CGGBP1: variants seen among roughly 807,000 people sequenced by gnomAD.
CGGBP1 encodes CGG triplet repeat-binding protein 1.
CGGBP1 carries 4 observed loss-of-function variants against 11.4 expected under a neutral mutation model. The observed-to-expected ratio is 0.35, with a 90% CI of 0.17 to 0.80. The LOEUF is 0.80. Among genes scored for constraint, CGGBP1 ranks in the 30% least tolerant of loss-of-function variants. The probability of loss-of-function intolerance (pLI) is 0.52; values close to 1 mark genes in which losing one functional copy is unlikely to be tolerated. For missense variants in CGGBP1, 135 were observed against 202.1 expected, an observed-to-expected ratio of 0.67 and a Z score of 2.01; for synonymous variants, 76 against 74.1, an observed-to-expected ratio of 1.03 and a Z score of -0.13.
intron 2 of CGGBP1, among the ~76,000 whole-genome samples, chr3:88,075,927 A>G (rs906404106): frequency 4.6e-5 from 7 of 152,172 alleles, no homozygotes; most frequent in Non-Finnish European, 7.4e-5. Flanking sequence ...CACAACATCA[A>G]ACCCAAGACT....
chr3:88,100,361 T>A (rs1237599341), intron 2 of CGGBP1, among the ~76,000 whole-genome samples: 1 of 152,144 alleles, frequency 6.6e-6, no homozygotes, highest in Non-Finnish European at 1.5e-5. Flanking sequence ...AGGAACACTT[T>A]TACACTGTTG....
chr3:88,121,074 A>C (rs1705742236), intron 2 of CGGBP1, among the ~76,000 whole-genome samples: 1 of 152,144 alleles, frequency 6.6e-6, no homozygotes, highest in South Asian at 2.1e-4. Context: ...TATATTCAGC[A>C]CATGTATCCC....
intron 2 of CGGBP1, among the ~76,000 whole-genome samples, chr3:88,112,639 A>T (rs2107765067): frequency 6.6e-6 from 1 of 152,114 alleles, no homozygotes; most frequent in East Asian, 1.9e-4. Context: ...TATAATATAA[A>T]TGTTGGCCGA....
intron 2 of CGGBP1, among the ~76,000 whole-genome samples, chr3:88,122,855 C>T (rs1705854642): frequency 6.6e-6 from 1 of 151,430 alleles, no homozygotes; most frequent in East Asian, 1.9e-4. Flanking sequence ...ACTAATAATA[C>T]AAAAATTAGC....
chr3:88,132,919 T>TGCA (rs1359611275), intron 2 of CGGBP1, among the ~76,000 whole-genome samples: 2 of 152,186 alleles, frequency 1.3e-5, no homozygotes, highest in Non-Finnish European at 2.9e-5. Flanking sequence ...ACATTTAGGG[T>TGCA]GCAGTATGAG....
At chr3:88,073,262 A>G (rs1326381184) in intron 2 of CGGBP1, among the ~76,000 whole-genome samples, 1 of 152,202 alleles carries the variant, frequency 6.6e-6, no homozygotes, top group Non-Finnish European at 1.5e-5. Context: ...AATGAGTCTA[A>G]TGCATGCTAA....
At chr3:88,075,464 T>C (rs951321606) in intron 2 of CGGBP1, among the ~76,000 whole-genome samples, 2 of 152,220 alleles carry the variant, frequency 1.3e-5, no homozygotes, top group African/African-American at 4.8e-5. Context: ...ATAATAACCA[T>C]GGAACAGGTA....
chr3:88,089,756 C>T (rs1304134868), intron 2 of CGGBP1, among the ~76,000 whole-genome samples: 1 of 152,172 alleles, frequency 6.6e-6, no homozygotes, highest in African/African-American at 2.4e-5. Context: ...TTGAGAAGAA[C>T]TCTGGTCAGA....
chr3:88,132,554 T>C (rs553698306), intron 2 of CGGBP1, among the ~76,000 whole-genome samples: 1 of 152,352 alleles, frequency 6.6e-6, no homozygotes, highest in East Asian at 1.9e-4. Flanking sequence ...AGATCCCATG[T>C]TTTAAATCCA....
chr3:88,137,501 A>G (rs1706869400), intron 2 of CGGBP1, among the ~76,000 whole-genome samples: 1 of 152,180 alleles, frequency 6.6e-6, no homozygotes, highest in Admixed American at 6.5e-5. Flanking sequence ...AAAAAATGAG[A>G]CACTGTCACC....
intron 2 of CGGBP1, among the ~76,000 whole-genome samples, chr3:88,112,633 A>G (rs1236711247): frequency 6.6e-6 from 1 of 152,060 alleles, no homozygotes; most frequent in Non-Finnish European, 1.5e-5. Flanking sequence ...ATATGCTATA[A>G]TATAAATGTT....
chr3:88,121,072 G>A (rs1210889172), intron 2 of CGGBP1, among the ~76,000 whole-genome samples: 3 of 151,878 alleles, frequency 2.0e-5, no homozygotes, highest in Non-Finnish European at 4.4e-5. Flanking sequence ...TGTATATTCA[G>A]CACATGTATC....
intron 2 of CGGBP1, among the ~76,000 whole-genome samples, chr3:88,066,908 T>C (rs542742201): frequency 4.6e-5 from 7 of 152,322 alleles, no homozygotes; most frequent in African/African-American, 1.7e-4. Context: ...ACACATTAAT[T>C]GTATATTAAT....
At chr3:88,083,201 A>G (rs896826495) in intron 2 of CGGBP1, among the ~76,000 whole-genome samples, 18 of 152,314 alleles carry the variant, frequency 1.2e-4, no homozygotes, top group Middle Eastern at 3.4e-3. Context: ...TAGGGCTTCA[A>G]CAAATGAACT....
chr3:88,117,943 A>AT (rs1352255842), intron 2 of CGGBP1, among the ~76,000 whole-genome samples: 1 of 53,018 alleles, frequency 1.9e-5, no homozygotes, highest in Non-Finnish European at 5.5e-5. Flanking sequence ...CCAATAGATG[A>AT]TTAAAAAAAA....
intron 2 of CGGBP1, among the ~76,000 whole-genome samples, chr3:88,125,305 A>G (rs2107818014): frequency 6.6e-6 from 1 of 152,290 alleles, no homozygotes; most frequent in Admixed American, 6.5e-5. Context: ...CAGATCTTAT[A>G]AATCTAGATC....
chr3:88,100,629 C>T (rs1172233035), intron 2 of CGGBP1, among the ~76,000 whole-genome samples: 1 of 152,086 alleles, frequency 6.6e-6, no homozygotes, highest in Non-Finnish European at 1.5e-5. Flanking sequence ...ACGATGCAGC[C>T]ATAAAAAGGA....
At chr3:88,134,500 C>T (rs1706654365) in intron 2 of CGGBP1, among the ~76,000 whole-genome samples, 1 of 151,992 alleles carries the variant, frequency 6.6e-6, no homozygotes, top group Non-Finnish European at 1.5e-5. Flanking sequence ...TAACAGTGGT[C>T]ATATTTGAGA....
At position 88,052,368 on chromosome 3, in the gene CGGBP1, T is replaced by C. The variant is rs1389712724; in HGVS notation, c.*3105A>G. The C allele has an allele frequency of 6.6e-6, 1 of 152,622 alleles. No homozygotes were observed. The highest frequency in any genetic ancestry group is 2.4e-5 in the African/African-American group (1 of 41,436). 9.5% of individuals were successfully genotyped at this position (152,622 alleles called of 1,614,324 possible). The stretch of plus-strand genomic sequence containing the variant: ...TGTTATGAATCAAATGAACATGTTT[T>C]AAGGTGATTTGTCCTCATTTAACGG... On this transcript the variant is annotated 3_prime_UTR_variant, in exon 4 of 4. Transcript: ENST00000482016.
Sources: allele counts gnomAD v4.1 joint callset (sites outside exome capture counted in the v4.1 genomes callset), GRCh38; gene constraint gnomAD v4.1.1; transcripts MANE v1.5; gene names NCBI Gene and HGNC (gene_info 2026-07-23, HGNC 2026-07-21).